PRIMA1: variants seen among roughly 807,000 people sequenced by gnomAD.
PRIMA1 encodes the protein proline-rich membrane anchor 1.
A neutral mutation model predicts 17.5 loss-of-function variants in PRIMA1; 7 were observed. That is an observed-to-expected ratio of 0.40 (90% CI 0.23 to 0.75). PRIMA1 has a LOEUF of 0.75. Among genes scored for constraint, PRIMA1 ranks in the 30% least tolerant of loss-of-function variants. The pLI, the probability that PRIMA1 is intolerant of heterozygous loss-of-function variation, is 0.37. For missense variants in PRIMA1, 200 were observed against 201.8 expected (o/e 0.99, Z 0.05); for synonymous variants, 97 against 77.9 (o/e 1.25, Z -1.29).
rs2076079278 is a variant in PRIMA1 at position 93,726,740 on chromosome 14, C to T, written c.360-5194G>A. On this transcript the variant is annotated intron_variant, in intron 4 of 4. Coordinates refer to ENST00000393140, the MANE Select transcript of PRIMA1 (RefSeq NM_178013.4). This position sits in a 1 kb window ranked among gnomAD's most constrained non-coding sequence, Gnocchi z 4.2. Reference sequence around the variant, plus strand: ...ACTTACACACACACATATATGTACACACAGGCACATACGCATAAATGTACA... The same window carrying T: ...ACTTACACACACACATATATGTACATACAGGCACATACGCATAAATGTACA... 6.6e-6 allele frequency among the ~76,000 whole-genome samples: 1 copy of T among 152,128 alleles called. No homozygotes were observed. The highest frequency in any genetic ancestry group is 6.5e-5 in the Admixed American group (1 of 15,276).
At chr14:93,740,217 T>C (rs1042339609) in intron 3 of PRIMA1, among the ~76,000 whole-genome samples, 1 of 151,976 alleles carries the variant, frequency 6.6e-6, no homozygotes, top group Admixed American at 6.6e-5. Flanking sequence ...GCATTGAAAA[T>C]AGGAATGAAC....
At chr14:93,725,827 AC>A in intron 4 of PRIMA1, 1 of 403,476 alleles carries the variant, frequency 2.5e-6, no homozygotes, top group Non-Finnish European at 5.0e-6. Context: ...GTCTGCACAG[AC>A]TTCCTACCTA....
intron 4 of PRIMA1, among the ~76,000 whole-genome samples, chr14:93,729,760 T>C (rs1202408670): frequency 6.6e-6 from 1 of 152,216 alleles, no homozygotes; most frequent in Non-Finnish European, 1.5e-5. Flanking sequence ...GCTGCTTCAC[T>C]GCATTCACAT....
intron 3 of PRIMA1, among the ~76,000 whole-genome samples, chr14:93,745,254 G>A (rs1050334075): frequency 1.3e-5 from 2 of 152,188 alleles, no homozygotes; most frequent in South Asian, 2.1e-4. Context: ...GCCTGTGGTG[G>A]GTGGTTTGGC....
chr14:93,776,623 A>G (rs1476761999), intron 3 of PRIMA1, among the ~76,000 whole-genome samples: 1 of 152,130 alleles, frequency 6.6e-6, no homozygotes, highest in Non-Finnish European at 1.5e-5. Context: ...TCCCCACTTA[A>G]CACCTTCGTA....
At chr14:93,736,912 G>A (rs1039486713) in intron 4 of PRIMA1, among the ~76,000 whole-genome samples, 10 of 152,206 alleles carry the variant, frequency 6.6e-5, no homozygotes, top group Non-Finnish European at 1.5e-4. Flanking sequence ...GTTGCACTGG[G>A]CCTGACATAT....
rs553754508 is a variant in PRIMA1 at position 93,742,226 on chromosome 14, G to A, written c.230-4856C>T. 9.8e-5 allele frequency among the ~76,000 whole-genome samples: 15 copies of A among 152,328 alleles called. No individual in the cohort carries two copies. The South Asian group carries it at 2.1e-3, about 21-fold the overall frequency. Reference sequence around the variant, plus strand: ...CCCAAGAGACGATGAAACAAATGAGGTGAGTCCTACCATAGGCCCAGCTCA... The same window carrying A: ...CCCAAGAGACGATGAAACAAATGAGATGAGTCCTACCATAGGCCCAGCTCA... On this transcript the variant is annotated intron_variant, in intron 3 of 4. Coordinates refer to ENST00000393140, the MANE Select transcript of PRIMA1 (RefSeq NM_178013.4).
chr14:93,737,160 G>A, intron 4 of PRIMA1, 81 bp downstream of exon 4: 3 of 1,343,936 alleles, frequency 2.2e-6, no homozygotes. Context: ...TTAAAATAAT[G>A]ATACGGGATG....
chr14:93,788,727 C>G (rs956082801), upstream of PRIMA1, among the ~76,000 whole-genome samples: 4 of 152,036 alleles, frequency 2.6e-5, no homozygotes, highest in African/African-American at 9.7e-5. Flanking sequence ...CGGACTGCGC[C>G]TAGCCGCGCG....
intron 3 of PRIMA1, among the ~76,000 whole-genome samples, chr14:93,760,087 G>A (rs547071330): frequency 1.6e-3 from 237 of 152,358 alleles, no homozygotes; most frequent in African/African-American, 5.4e-3. Flanking sequence ...AGGAGCAGAC[G>A]GAGAGGCAGC....
intron 3 of PRIMA1, among the ~76,000 whole-genome samples, chr14:93,760,604 G>T (rs1178581440): frequency 6.6e-6 from 1 of 152,130 alleles, no homozygotes; most frequent in Non-Finnish European, 1.5e-5. Flanking sequence ...CTGGCTGACA[G>T]CTTCTTATCC....
intron 3 of PRIMA1, among the ~76,000 whole-genome samples, chr14:93,761,144 G>C (rs980081826): frequency 6.6e-6 from 1 of 151,990 alleles, no homozygotes; most frequent in Non-Finnish European, 1.5e-5. Flanking sequence ...CTAGGAGCTC[G>C]ACATCAGTCT....
chr14:93,724,443 T>C (rs1240110939), intron 4 of PRIMA1, among the ~76,000 whole-genome samples: 1 of 152,236 alleles, frequency 6.6e-6, no homozygotes, highest in African/African-American at 2.4e-5. Flanking sequence ...AGCCAAGCTC[T>C]GCCCTGGGCC....
intron 3 of PRIMA1, among the ~76,000 whole-genome samples, chr14:93,755,688 CA>C (rs1298770976): frequency 6.6e-6 from 1 of 152,170 alleles, no homozygotes; most frequent in Non-Finnish European, 1.5e-5. Flanking sequence ...CACACCCAGA[CA>C]AGGCATGTAC....
At chr14:93,728,549 G>T (rs1054481231) in intron 4 of PRIMA1, among the ~76,000 whole-genome samples, 5 of 152,102 alleles carry the variant, frequency 3.3e-5, no homozygotes, top group African/African-American at 1.2e-4. Context: ...AGGTGTCTGG[G>T]TCTTATCCTG....
At chr14:93,783,514 C>T (rs117004663) in intron 2 of PRIMA1, among the ~76,000 whole-genome samples, 42 of 151,818 alleles carry the variant, frequency 2.8e-4, no homozygotes, top group East Asian at 1.5e-3. Context: ...CAACACCTGG[C>T]GTTTGGTTTC....
intron 3 of PRIMA1, among the ~76,000 whole-genome samples, chr14:93,755,116 TG>T (rs758543526): frequency 6.6e-6 from 1 of 152,030 alleles, no homozygotes; most frequent in African/African-American, 2.4e-5. Flanking sequence ...AGCTGGTCAG[TG>T]GGGGAAAAAA....
intron 3 of PRIMA1, among the ~76,000 whole-genome samples, chr14:93,761,399 A>G (rs1884718487): frequency 6.6e-6 from 1 of 152,204 alleles, no homozygotes; most frequent in South Asian, 2.1e-4. Flanking sequence ...GCTATGGTTT[A>G]TAAAGCCCTG....
In PRIMA1 at chr14:93,719,334, G is replaced by A. The variant is rs1434405638; in HGVS notation, c.*2110C>T. 1 of 152,212 alleles carries A rather than the reference G, an allele frequency of 6.6e-6. No homozygotes were observed. Among genetic ancestry groups the A allele is most frequent in the Non-Finnish European group, 1.5e-5 (1 of 68,048 alleles). 9.4% of individuals were successfully genotyped at this position (152,212 alleles called of 1,614,324 possible). The stretch of plus-strand genomic sequence containing the variant: ...GCCTCCTAGGTTTAAGCCAAGGTAG[G>A]GAATGATGGGACCAGGCGAGTGTGC... On this transcript the variant is annotated 3_prime_UTR_variant, in exon 5 of 5. Transcript: ENST00000393140.
Sources: gnomAD v4.1 joint callset for allele counts (sites outside exome capture counted in the v4.1 genomes callset) on GRCh38, gnomAD v4.1.1 for gene constraint, Gnocchi (gnomAD v3.1) non-coding constraint, MANE v1.5 for transcripts, NCBI Gene and HGNC (gene_info 2026-07-23, HGNC 2026-07-21) for gene names.